The following ADK variants were observed in gnomAD, a reference collection of about 807,000 sequenced individuals.
ADK encodes adenosine kinase, also known as N6,N6-dimethyladenosine kinase.
Under a neutral mutation model 44.7 loss-of-function variants are expected in ADK, and 24 were observed. The observed-to-expected ratio is 0.54, with a 90% CI of 0.39 to 0.76. The LOEUF is 0.76. Ranked by LOEUF, ADK falls within the 30% of genes least tolerant of loss-of-function variation. The pLI is 0.00. For missense variants in ADK, 321 were observed against 425.1 expected (o/e 0.76, Z 2.15); for synonymous variants, 128 against 142.6 (o/e 0.90, Z 0.73).
intron 4 of ADK, among the ~76,000 whole-genome samples, chr10:74,387,539 CTT>C (rs1437728165): frequency 5.9e-5 from 9 of 152,138 alleles, no homozygotes; most frequent in Non-Finnish European, 1.2e-4. Flanking sequence ...CTGTATGACT[CTT>C]TTTTCTTTCT....
intron 2 of ADK, among the ~76,000 whole-genome samples, chr10:74,222,882 C>T (rs1475773991): frequency 1.2e-4 from 17 of 143,990 alleles, no homozygotes; most frequent in African/African-American, 3.9e-4. Context: ...GAGGGGGGAG[C>T]GATAGCATTG....
chr10:74,288,781 T>C (rs1371563491), intron 3 of ADK, among the ~76,000 whole-genome samples: 6 of 152,246 alleles, frequency 3.9e-5, no homozygotes, highest in African/African-American at 1.4e-4. Flanking sequence ...GGTATCTCTT[T>C]ATGTACCTCT....
At chr10:74,434,077 T>C (rs1845099785) in intron 6 of ADK, among the ~76,000 whole-genome samples, 1 of 152,192 alleles carries the variant, frequency 6.6e-6, no homozygotes, top group African/African-American at 2.4e-5. Flanking sequence ...GAATCATGGC[T>C]CATTTAGTAA....
chr10:74,308,788 TAACAC>T (rs1840338811), intron 3 of ADK, among the ~76,000 whole-genome samples: 1 of 152,176 alleles, frequency 6.6e-6, no homozygotes, highest in African/African-American at 2.4e-5. Context: ...GTGCTGATGT[TAACAC>T]AACGTGAGGT....
chr10:74,527,079 AG>A (rs1203126717), intron 7 of ADK, among the ~76,000 whole-genome samples: 5 of 152,080 alleles, frequency 3.3e-5, no homozygotes, highest in Non-Finnish European at 5.9e-5. Flanking sequence ...GATTCCAAAG[AG>A]GCCGGGCACG....
intron 4 of ADK, among the ~76,000 whole-genome samples, chr10:74,353,176 A>G (rs1192128734): frequency 4.6e-5 from 7 of 152,236 alleles, no homozygotes; most frequent in African/African-American, 1.4e-4. Flanking sequence ...ATGCCCGTCA[A>G]TGATAGATAG....
intron 3 of ADK, among the ~76,000 whole-genome samples, chr10:74,255,550 T>A (rs1264524647): frequency 6.6e-6 from 1 of 152,220 alleles, no homozygotes; most frequent in Non-Finnish European, 1.5e-5. Flanking sequence ...TGTATAATGA[T>A]GACAACAGCT....
At chr10:74,330,705 ACAT>A (rs745446271) in intron 4 of ADK, among the ~76,000 whole-genome samples, 7 of 152,172 alleles carry the variant, frequency 4.6e-5, no homozygotes, top group Non-Finnish European at 7.4e-5. Context: ...ATGGGCAGGA[ACAT>A]AAGCCTTCCA....
chr10:74,501,646 T>A (rs1257224778), intron 6 of ADK, among the ~76,000 whole-genome samples: 21 of 152,108 alleles, frequency 1.4e-4, no homozygotes, highest in Admixed American at 1.4e-3. Flanking sequence ...TTGTGATAGA[T>A]CCATACAATG....
At chr10:74,566,471 G>A (rs1049782862) in intron 7 of ADK, among the ~76,000 whole-genome samples, 3 of 151,620 alleles carry the variant, frequency 2.0e-5, no homozygotes, top group Non-Finnish European at 4.4e-5. Context: ...CAACGTGCTG[G>A]GATTACATGC....
At chr10:74,515,482 G>A (rs1848531630) in intron 6 of ADK, among the ~76,000 whole-genome samples, 1 of 152,218 alleles carries the variant, frequency 6.6e-6, no homozygotes, top group African/African-American at 2.4e-5. Context: ...GGACATGCCT[G>A]CCAGGAGCAG....
Position 74,589,270 on chromosome 10 carries a change from T to G in ADK, c.727-12T>G, listed in dbSNP as rs762739874. 5.0e-6 allele frequency: 8 copies of G among 1,613,504 alleles called. No homozygotes were observed. The African/African-American group carries it at 1.1e-4, about 22-fold the overall frequency. On this transcript the variant is annotated splice_polypyrimidine_tract_variant and intron_variant, in intron 7 of 10. Transcript: ENST00000539909. Reference sequence around the variant, plus strand: ...CTTTATAATTAACTGTTCTTTTTTTTTTTTATTTCAGGAAGCTGCCACTTT... The same window carrying G: ...CTTTATAATTAACTGTTCTTTTTTTGTTTTATTTCAGGAAGCTGCCACTTT...
chr10:74,227,527 T>G (rs1021207924), intron 3 of ADK, among the ~76,000 whole-genome samples: 11 of 151,888 alleles, frequency 7.2e-5, no homozygotes, highest in Non-Finnish European at 1.6e-4. Flanking sequence ...CTGGGAAACA[T>G]AGTGAGACCC....
intron 9 of ADK, among the ~76,000 whole-genome samples, chr10:74,667,982 A>T (rs1855025223): frequency 6.6e-6 from 1 of 152,216 alleles, no homozygotes; most frequent in Non-Finnish European, 1.5e-5. Flanking sequence ...TGGTTTACTT[A>T]CTATTTATAT....
chr10:74,496,033 G>T (rs1847671698), intron 6 of ADK, among the ~76,000 whole-genome samples: 1 of 152,080 alleles, frequency 6.6e-6, no homozygotes, highest in Admixed American at 6.6e-5. Context: ...TACTAATATG[G>T]TTAGTTGTAA....
chr10:74,237,068 G>T (rs1326822463), intron 3 of ADK, among the ~76,000 whole-genome samples: 1 of 152,110 alleles, frequency 6.6e-6, no homozygotes, highest in African/African-American at 2.4e-5. Context: ...CAATAATGAA[G>T]TTTGCTGTGT....
intron 10 of ADK, among the ~76,000 whole-genome samples, chr10:74,671,513 A>T (rs1264988248): frequency 6.6e-6 from 1 of 152,184 alleles, no homozygotes; most frequent in African/African-American, 2.4e-5. Context: ...CTTCACTGTT[A>T]TGATTGTGTT....
At chr10:74,693,271 ACT>A (rs1473259679) in intron 10 of ADK, among the ~76,000 whole-genome samples, 1 of 152,076 alleles carries the variant, frequency 6.6e-6, no homozygotes, top group Non-Finnish European at 1.5e-5. Flanking sequence ...AGATTTGGGA[ACT>A]CTCTGTATTT....
intron 4 of ADK, among the ~76,000 whole-genome samples, chr10:74,350,859 C>A (rs935102893): frequency 2.0e-5 from 3 of 152,006 alleles, no homozygotes; most frequent in Non-Finnish European, 4.4e-5. Flanking sequence ...ACACATACAC[C>A]CTCCCAAGAC....
Sources: allele counts gnomAD v4.1 joint callset (sites outside exome capture counted in the v4.1 genomes callset), GRCh38; gene constraint gnomAD v4.1.1; transcripts MANE v1.5; gene names NCBI Gene and HGNC (gene_info 2026-07-23, HGNC 2026-07-21).